The following NOS1AP variants were observed in gnomAD, a reference collection of about 807,000 sequenced individuals.
NOS1AP encodes nitric oxide synthase 1 adaptor protein.
In NOS1AP, 21 loss-of-function variants were observed where a neutral mutation model predicts 56.2. The ratio of observed to expected loss-of-function variants is 0.37; its 90% CI spans 0.26 to 0.54. NOS1AP has a LOEUF of 0.54. Among genes scored for constraint, NOS1AP ranks in the 20% least tolerant of loss-of-function variants. The probability of loss-of-function intolerance (pLI) is 0.84; values close to 1 mark genes in which losing one functional copy is unlikely to be tolerated. For missense variants in NOS1AP, 522 were observed against 657.8 expected, an observed-to-expected ratio of 0.79 and a Z score of 2.26; for synonymous variants, 270 against 274.6, an observed-to-expected ratio of 0.98 and a Z score of 0.17.
chr1:162,070,163 C>A lies in NOS1AP; in HGVS notation c.-15C>A. ...AGCCGCCGCCTCCGAAGGAGCGGGTCCGCCGCGGGTAACCATGCCTAGCAA... is the reference window on the plus strand; with the variant it reads ...AGCCGCCGCCTCCGAAGGAGCGGGTACGCCGCGGGTAACCATGCCTAGCAA... On this transcript the variant is annotated 5_prime_UTR_variant, in exon 1 of 10. Coordinates refer to ENST00000361897, the MANE Select transcript of NOS1AP (RefSeq NM_014697.3). 2 of 1,609,422 alleles carry A rather than the reference C, an allele frequency of 1.2e-6. No individual in the cohort carries two copies. Among genetic ancestry groups the A allele is most frequent in the South Asian group, 2.2e-5 (2 of 90,968 alleles).
intron 2 of NOS1AP, among the ~76,000 whole-genome samples, chr1:162,220,603 G>A (rs1297013579): frequency 6.6e-6 from 1 of 152,164 alleles, no homozygotes; most frequent in Admixed American, 6.5e-5. Flanking sequence ...GCTGCTGTTT[G>A]TTTGATCCCT....
At chr1:162,289,234 TTCC>T (rs1557864790) in intron 3 of NOS1AP, among the ~76,000 whole-genome samples, 11 of 56,880 alleles carry the variant, frequency 1.9e-4, no homozygotes, top group African/African-American at 5.2e-4. Context: ...CCTTCCTTCC[TTCC>T]TTCCTTCCTT....
intron 1 of NOS1AP, among the ~76,000 whole-genome samples, chr1:162,124,749 C>G (rs1220295643): frequency 6.6e-6 from 1 of 152,176 alleles, no homozygotes; most frequent in Non-Finnish European, 1.5e-5. Context: ...TCTCGAACTC[C>G]TGACCTCAGG....
At chr1:162,275,760 T>A (rs1654711536) in intron 2 of NOS1AP, among the ~76,000 whole-genome samples, 3 of 152,236 alleles carry the variant, frequency 2.0e-5, no homozygotes, top group African/African-American at 4.8e-5. Context: ...GGATCCATGT[T>A]CAAATCTCAT....
At chr1:162,220,332 G>A (rs2101656679) in intron 2 of NOS1AP, among the ~76,000 whole-genome samples, 1 of 152,194 alleles carries the variant, frequency 6.6e-6, no homozygotes, top group South Asian at 2.1e-4. Context: ...GTGGGTGTCT[G>A]CTGTGTGCTA....
At chr1:162,276,128 A>C (rs1167819200) in intron 2 of NOS1AP, among the ~76,000 whole-genome samples, 1 of 152,196 alleles carries the variant, frequency 6.6e-6, no homozygotes, top group African/African-American at 2.4e-5. Context: ...TTACAGAAAA[A>C]AATTTACTGA....
chr1:162,209,691 C>T (rs6696759), intron 2 of NOS1AP, among the ~76,000 whole-genome samples: 40,666 of 151,880 alleles, frequency 0.27, 5,685 homozygotes, highest in East Asian at 0.39. Flanking sequence ...GGGCCAGAGC[C>T]CTCCCAACAC....
intron 2 of NOS1AP, among the ~76,000 whole-genome samples, chr1:162,215,226 A>T (rs1652524784): frequency 3.3e-5 from 5 of 152,152 alleles, no homozygotes; most frequent in Admixed American, 3.3e-4. Flanking sequence ...GGGGCCCGTA[A>T]GTCCCAGGAA....
intron 4 of NOS1AP, among the ~76,000 whole-genome samples, chr1:162,305,685 CA>C (rs988206983): frequency 3.9e-5 from 6 of 152,186 alleles, no homozygotes; most frequent in Non-Finnish European, 5.9e-5. Context: ...TCTGTCTTAT[CA>C]GTGTAAAATG....
At chr1:162,108,232 C>A (rs1486965526) in intron 1 of NOS1AP, among the ~76,000 whole-genome samples, 2 of 152,128 alleles carry the variant, frequency 1.3e-5, no homozygotes, top group Non-Finnish European at 2.9e-5. Flanking sequence ...CATCTTTTTA[C>A]AACAGCAAGC....
rs142698986 is a variant in NOS1AP, at chr1:162,098,718, G to A, written c.105+28436G>A. Among the ~76,000 whole-genome samples the A allele has an allele frequency of 4.4e-3, 669 of 152,230 alleles. 1 individual carries two copies. Among genetic ancestry groups the A allele is most frequent in the Middle Eastern group, 0.02 (6 of 294 alleles). ...GTGTTTTTCCCCACCTTGTGTCCAT[G>A]TGTTCTCATCTTTCAGCTCTCACTT... On this transcript the variant is annotated intron_variant, in intron 1 of 9. Coordinates refer to ENST00000361897, the MANE Select transcript of NOS1AP (RefSeq NM_014697.3).
intron 4 of NOS1AP, among the ~76,000 whole-genome samples, chr1:162,314,155 C>T (rs1322063920): frequency 6.6e-6 from 1 of 152,184 alleles, no homozygotes; most frequent in Admixed American, 6.5e-5. Context: ...CTTGCATAAC[C>T]CTTTTGTATC....
chr1:162,254,777 C>G (rs2101697229), intron 2 of NOS1AP, among the ~76,000 whole-genome samples: 1 of 152,274 alleles, frequency 6.6e-6, no homozygotes, highest in Non-Finnish European at 1.5e-5. Context: ...AAGCTGGGAA[C>G]AGGGCAATGC....
chr1:162,100,863 A>G (rs1647229038), intron 1 of NOS1AP, among the ~76,000 whole-genome samples: 1 of 152,042 alleles, frequency 6.6e-6, no homozygotes, highest in African/African-American at 2.4e-5. Context: ...TAGATTGCAA[A>G]AATTTTCTCC....
intron 2 of NOS1AP, among the ~76,000 whole-genome samples, chr1:162,204,463 G>A (rs1293404703): frequency 6.6e-6 from 1 of 152,192 alleles, no homozygotes; most frequent in Non-Finnish European, 1.5e-5. Flanking sequence ...GTGTGGGCAG[G>A]TGATGACTGG....
chr1:162,194,103 T>C (rs1217331139), intron 2 of NOS1AP, among the ~76,000 whole-genome samples: 2 of 152,166 alleles, frequency 1.3e-5, no homozygotes, highest in Non-Finnish European at 2.9e-5. Context: ...ATATCCCAGA[T>C]ATATCTGCCC....
chr1:162,305,190 T>G (rs182610771), intron 4 of NOS1AP, among the ~76,000 whole-genome samples: 200 of 152,310 alleles, frequency 1.3e-3, no homozygotes, highest in Middle Eastern at 3.4e-3. Context: ...TACAAATCAG[T>G]GGCATTAATT....
At chr1:162,266,061 G>A (rs1654411845) in intron 2 of NOS1AP, among the ~76,000 whole-genome samples, 1 of 152,194 alleles carries the variant, frequency 6.6e-6, no homozygotes, top group African/African-American at 2.4e-5. Flanking sequence ...GTGTTTAGGA[G>A]CTGCCACAGG....
intron 1 of NOS1AP, among the ~76,000 whole-genome samples, chr1:162,089,129 G>A (rs1692071910): frequency 1.3e-5 from 2 of 152,296 alleles, no homozygotes; most frequent in Non-Finnish European, 2.9e-5. Context: ...GCCATTGTCT[G>A]TAGGTCTTTT....
Sources: allele counts gnomAD v4.1 joint callset (sites outside exome capture counted in the v4.1 genomes callset), GRCh38; gene constraint gnomAD v4.1.1; transcripts MANE v1.5; gene names NCBI Gene and HGNC (gene_info 2026-07-23, HGNC 2026-07-21).